ARMH3: variants seen among roughly 807,000 people sequenced by gnomAD.
ARMH3 encodes armadillo-like helical domain-containing protein 3.
A neutral mutation model predicts 99.1 loss-of-function variants in ARMH3; 60 were observed. The observed-to-expected ratio is 0.61, with a 90% CI of 0.49 to 0.75. The LOEUF is 0.75. Ranked by LOEUF, ARMH3 falls within the 30% of genes least tolerant of loss-of-function variation. The probability of loss-of-function intolerance (pLI) is 0.00; values close to 1 mark genes in which losing one functional copy is unlikely to be tolerated. For missense variants in ARMH3, 679 were observed against 843.1 expected, an observed-to-expected ratio of 0.81 and a Z score of 2.41; for synonymous variants, 285 against 292.8, an observed-to-expected ratio of 0.97 and a Z score of 0.27.
intron 14 of ARMH3, among the ~76,000 whole-genome samples, chr10:102,003,599 G>C (rs1044709774): frequency 6.6e-6 from 1 of 152,202 alleles, no homozygotes; most frequent in Admixed American, 6.5e-5. Context: ...AAAAAAGCTA[G>C]AGAATCTATG....
At chr10:101,903,683 G>A (rs1014149247) in intron 23 of ARMH3, among the ~76,000 whole-genome samples, 1 of 152,184 alleles carries the variant, frequency 6.6e-6, no homozygotes, top group African/African-American at 2.4e-5. Context: ...AACCTTACTA[G>A]TTAAAAATTA....
intron 1 of ARMH3, among the ~76,000 whole-genome samples, chr10:102,052,521 AC>A (rs757466616): frequency 1.3e-4 from 20 of 152,076 alleles, no homozygotes; most frequent in Admixed American, 4.6e-4. Context: ...ACCTTGCCTG[AC>A]CCCATAATCT....
intron 20 of ARMH3, among the ~76,000 whole-genome samples, chr10:101,965,197 GA>G (rs1231623016): frequency 6.6e-6 from 1 of 152,012 alleles, no homozygotes; most frequent in African/African-American, 2.4e-5. Context: ...CAATTAAAAA[GA>G]AAAACAAAAG....
chr10:101,876,678 G>A (rs898106290), intron 24 of ARMH3, among the ~76,000 whole-genome samples: 20 of 152,170 alleles, frequency 1.3e-4, no homozygotes, highest in Non-Finnish European at 2.6e-4. Flanking sequence ...TGATGTTACT[G>A]TAATGACAAA....
intron 23 of ARMH3, among the ~76,000 whole-genome samples, chr10:101,899,361 G>A (rs1328609699): frequency 6.6e-6 from 1 of 152,176 alleles, no homozygotes; most frequent in East Asian, 1.9e-4. Flanking sequence ...AGGCATACAG[G>A]TAAAATACTG....
chr10:102,036,280 C>T (rs1196020950), intron 2 of ARMH3, among the ~76,000 whole-genome samples: 4 of 133,998 alleles, frequency 3.0e-5, no homozygotes, highest in South Asian at 2.4e-4. Flanking sequence ...GCCCGGCCGC[C>T]GCCCCGTCCA....
At chr10:101,928,670 C>T (rs1304987937) in intron 23 of ARMH3, among the ~76,000 whole-genome samples, 1 of 152,150 alleles carries the variant, frequency 6.6e-6, no homozygotes, top group Non-Finnish European at 1.5e-5. Context: ...CCTTGTCTCT[C>T]GAAGTACAAC....
chr10:101,995,273 T>G, intron 16 of ARMH3, 24 bp downstream of exon 16: 2 of 1,604,318 alleles, frequency 1.2e-6, no homozygotes, highest in South Asian at 2.2e-5. Flanking sequence ...GACTGCCTAA[T>G]AGCAGAAGGC....
At chr10:102,035,145 G>A (rs1157173559) in intron 2 of ARMH3, among the ~76,000 whole-genome samples, 5 of 152,024 alleles carry the variant, frequency 3.3e-5, no homozygotes, top group Non-Finnish European at 7.4e-5. Context: ...CTGAGTCCGA[G>A]GCGCCCGGAT....
At chr10:101,980,891 G>A (rs556648246) in intron 19 of ARMH3, among the ~76,000 whole-genome samples, 66 of 152,272 alleles carry the variant, frequency 4.3e-4, no homozygotes, top group African/African-American at 1.5e-3. Flanking sequence ...AAAAAGGAAT[G>A]AGATCATGTC....
chr10:101,904,341 C>T (rs1048549356), intron 23 of ARMH3, among the ~76,000 whole-genome samples: 15 of 152,166 alleles, frequency 9.9e-5, no homozygotes, highest in Admixed American at 5.2e-4. Context: ...AGAACACACA[C>T]ACATTCCCTC....
intron 8 of ARMH3, among the ~76,000 whole-genome samples, chr10:102,019,609 T>C (rs1010991908): frequency 6.6e-6 from 1 of 152,214 alleles, no homozygotes; most frequent in Non-Finnish European, 1.5e-5. Flanking sequence ...AGTTTTTAAC[T>C]AAAAAGTTTT....
At chr10:102,021,553 T>C (rs1031020977) in intron 8 of ARMH3, among the ~76,000 whole-genome samples, 3 of 151,650 alleles carry the variant, frequency 2.0e-5, no homozygotes, top group Non-Finnish European at 2.9e-5. Context: ...CAGCTAATTT[T>C]TTTTTTTTTT....
chr10:101,984,476 C>G (rs1410777374), intron 19 of ARMH3, among the ~76,000 whole-genome samples: 1 of 152,134 alleles, frequency 6.6e-6, no homozygotes, highest in Non-Finnish European at 1.5e-5. Context: ...TATGCACACA[C>G]AGTACATTCC....
In ARMH3 at chr10:102,013,883, C is replaced by A. The variant is rs1479859381; in HGVS notation, c.726+85G>T. ...ATGAAATTGACAGAATAGCTCTCTG[C>A]TCTCTGTTCTAAATGTACTTTCACT... On this transcript the variant is annotated intron_variant, in intron 9 of 25. Coordinates refer to ENST00000370033, the MANE Select transcript of ARMH3 (RefSeq NM_024541.3). 6.1e-6 allele frequency: 7 copies of A among 1,148,478 alleles called. No individual in the cohort carries two copies. In the Admixed American group the frequency reaches 1.6e-4, roughly 26 times the overall value. The allele number at this position is 1,148,478 out of a possible 1,614,324, so 71.1% of individuals were successfully genotyped here. A position where few individuals can be genotyped will look rare whatever the true frequency, so the allele number is the denominator to read the frequency against.
intron 24 of ARMH3, among the ~76,000 whole-genome samples, chr10:101,853,202 T>C (rs1310333361): frequency 1.3e-5 from 2 of 152,204 alleles, no homozygotes; most frequent in East Asian, 1.9e-4. Context: ...TCCCTGGCCC[T>C]TTCTTGTGGG....
At chr10:101,999,312 C>T (rs771565118) in intron 15 of ARMH3, among the ~76,000 whole-genome samples, 36 of 152,078 alleles carry the variant, frequency 2.4e-4, no homozygotes, top group Non-Finnish European at 4.3e-4. Context: ...ATGCCTCAGC[C>T]TCCCAAGCAG....
chr10:102,023,573 G>A lies in ARMH3; in HGVS notation c.583-10C>T. ...GGGGATGGGAAAGTATCTGTAACAA[G>A]AACCAAAAATGCATGAGACTGCTAA... On this transcript the variant is annotated splice_polypyrimidine_tract_variant and intron_variant, in intron 7 of 25. Coordinates refer to ENST00000370033, the MANE Select transcript of ARMH3 (RefSeq NM_024541.3). 6.2e-7 allele frequency: 1 copy of A among 1,613,232 alleles called. No individual in the cohort carries two copies. Among genetic ancestry groups the A allele is most frequent in the Non-Finnish European group, 8.5e-7 (1 of 1,179,450 alleles).
chr10:101,912,734 T>C (rs139921337), intron 23 of ARMH3, among the ~76,000 whole-genome samples: 116 of 152,336 alleles, frequency 7.6e-4, no homozygotes, highest in Admixed American at 6.4e-3. Flanking sequence ...CAGACATCCA[T>C]CTTGTTCCTA....
Sources: gnomAD v4.1 joint callset for allele counts (sites outside exome capture counted in the v4.1 genomes callset) on GRCh38, gnomAD v4.1.1 for gene constraint, MANE v1.5 for transcripts, NCBI Gene and HGNC (gene_info 2026-07-23, HGNC 2026-07-21) for gene names.